Variants in DNM1 observed in about 807,000 individuals in gnomAD.
The protein encoded by DNM1 is dynamin-1.
Under a neutral mutation model 104.6 loss-of-function variants are expected in DNM1, and 29 were observed. That is an observed-to-expected ratio of 0.28 (90% CI 0.21 to 0.38). The LOEUF (loss-of-function observed/expected upper bound fraction) is 0.38, where lower values mean the gene tolerates loss of function less well. DNM1 is among the 10% of genes least tolerant of loss of function. DNM1 has a pLI of 1.00. For synonymous variants in DNM1, 445 were observed against 475.8 expected, an observed-to-expected ratio of 0.94 and a Z score of 0.84; for missense variants, 640 against 1,189.4, an observed-to-expected ratio of 0.54 and a Z score of 6.79.
At chr9:128,219,641 C>T (rs1834824068) in intron 4 of DNM1, among the ~76,000 whole-genome samples, 1 of 150,178 alleles carries the variant, frequency 6.7e-6, no homozygotes, top group African/African-American at 2.5e-5. Context: ...TGCAGTCCAG[C>T]ATGGGCAAGA....
intron 10 of DNM1, among the ~76,000 whole-genome samples, chr9:128,229,230 A>G (rs1274080711): frequency 6.6e-6 from 1 of 151,352 alleles, no homozygotes; most frequent in African/African-American, 2.4e-5. Flanking sequence ...TGTCTCTACA[A>G]AATTTTTTTT....
intron 10 of DNM1, chr9:128,232,171 C>T (rs1315566015): frequency 2.5e-6 from 1 of 404,764 alleles, no homozygotes; most frequent in Non-Finnish European, 5.0e-6. Flanking sequence ...GCGCCCTCCT[C>T]CTCCCTCCTT....
chr9:128,218,178 C>A lies in DNM1; in HGVS notation c.162-53C>A. 2 of 1,563,816 alleles carry A rather than the reference C, an allele frequency of 1.3e-6. No individual in the cohort carries two copies. The highest frequency in any genetic ancestry group is 1.8e-6 in the Non-Finnish European group (2 of 1,134,120). On this transcript the variant is annotated intron_variant, in intron 1 of 21. Transcript: ENST00000372923. This position sits in a 1 kb window ranked among gnomAD's most constrained non-coding sequence, Gnocchi z 4.8. Reference sequence around the variant, plus strand: ...AGGGGCCGGACAGGTACCCCTGGGACAGAGGGCGCCCCCTCATATCTTGAC... The same window carrying A: ...AGGGGCCGGACAGGTACCCCTGGGAAAGAGGGCGCCCCCTCATATCTTGAC...
chr9:128,205,432 C>T (rs945873490), intron 1 of DNM1, among the ~76,000 whole-genome samples: 5 of 152,142 alleles, frequency 3.3e-5, no homozygotes, highest in African/African-American at 1.2e-4. Flanking sequence ...ACCATGATGC[C>T]CATCCTACAG....
chr9:128,233,123 C>A (rs1367225036), intron 10 of DNM1, among the ~76,000 whole-genome samples: 1 of 152,248 alleles, frequency 6.6e-6, no homozygotes, highest in Non-Finnish European at 1.5e-5. Context: ...GGGCACGATT[C>A]GCAGGCAGAG....
intron 21 of DNM1, chr9:128,252,679 A>T: frequency 2.2e-6 from 1 of 458,856 alleles, no homozygotes; most frequent in Non-Finnish European, 4.3e-6. Flanking sequence ...GAAGGCTCTT[A>T]GGTGGAGAAA....
At chr9:128,239,589 T>C in intron 12 of DNM1, 74 bp downstream of exon 12, 2 of 1,186,640 alleles carry the variant, frequency 1.7e-6, no homozygotes, top group Non-Finnish European at 2.5e-6. Flanking sequence ...TGTGTGTGTG[T>C]GTGTGTGTGT....
At chr9:128,250,038 C>A in intron 19 of DNM1, 77 bp from the exon 20 acceptor site, 1 of 1,607,778 alleles carries the variant, frequency 6.2e-7, no homozygotes, top group Non-Finnish European at 8.5e-7. Flanking sequence ...GCTCACAGTC[C>A]CAGCAGGGCC....
At chr9:128,252,334 A>G (rs1428540472) in intron 21 of DNM1, 5 of 366,782 alleles carry the variant, frequency 1.4e-5, no homozygotes, top group African/African-American at 1.1e-4. Context: ...CAGTCTTGCT[A>G]ACACACATGA....
rs61020870 is a variant in DNM1 at position 128,220,742 on chromosome 9, C to CGCGTGTGTGTGTGTGTGTGT, written c.849+402_849+403insCGTGTGTGTGTGTGTGTGTG. On this transcript the variant is annotated intron_variant, in intron 6 of 21. Transcript: ENST00000372923. The surrounding 1 kb of genome is among the most constrained non-coding windows in gnomAD (Gnocchi z 5.2). Reference sequence around the variant, plus strand: ...CAGAACTGAAGTGCGCGCGCGCGCGCGTGTGTGTGTGTGTGTGTGTGTGTG... The same window carrying CGCGTGTGTGTGTGTGTGTGT: ...CAGAACTGAAGTGCGCGCGCGCGCGCGCGTGTGTGTGTGTGTGTGTGTGTGTGTGTGTGTGTGTGTGTGTG... Among the ~76,000 whole-genome samples, 3 of 136,278 alleles carry CGCGTGTGTGTGTGTGTGTGT rather than the reference C, an allele frequency of 2.2e-5. No individual in the cohort carries two copies. Among genetic ancestry groups the CGCGTGTGTGTGTGTGTGTGT allele is most frequent in the African/African-American group, 8.0e-5 (3 of 37,720 alleles). The allele number at this position is 136,278 out of a possible 152,430, so 89.4% of individuals were successfully genotyped here.
At position 128,250,216 on chromosome 9, in the gene DNM1, C is replaced by T; in HGVS notation, c.2178C>T (p.Asp726=). The T allele has an allele frequency of 1.2e-6, 2 of 1,614,144 alleles. No individual in the cohort carries two copies. The highest frequency in any genetic ancestry group is 1.7e-6 in the Non-Finnish European group (2 of 1,180,024). ...CGGCGGAGCAGGCACAGCGGCGCGA[C>T]GAGATGCTGCGCATGTACCACGCAC... is the stretch of plus-strand genomic sequence containing the variant. ...EESAEQAQRR[D]EMLRMYHALK... is the part of the protein sequence containing the mutation. Residue 726 remains aspartate (D), a synonymous_variant, in exon 20 of 22, where the codon GAC becomes GAT. Transcript: ENST00000372923.
chr9:128,253,466 G>A lies in DNM1; in HGVS notation c.2535-1188G>A, dbSNP rs79720213. 265 of 392,480 alleles carry A rather than the reference G, an allele frequency of 6.8e-4. 2 individuals are homozygous for A. The East Asian group carries it at 0.013, about 19-fold the overall frequency. The allele number at this position is 392,480 out of a possible 1,614,324, so 24.3% of individuals were successfully genotyped here. On this transcript the variant is annotated intron_variant, in intron 21 of 21. Coordinates refer to ENST00000372923, the MANE Select transcript of DNM1 (RefSeq NM_004408.4). The surrounding 1 kb of genome is among the most constrained non-coding windows in gnomAD (Gnocchi z 5.9). ...AGAGCTCGTGGTTTATGGTGTAAAG[G>A]CTGGGAGCTTGGAGGGGGTCGTGTG...
chr9:128,230,812 C>CT (rs1391487045), intron 10 of DNM1, among the ~76,000 whole-genome samples: 13 of 147,588 alleles, frequency 8.8e-5, no homozygotes. Context: ...ATTTCTTTTT[C>CT]TTTTTTTTGA....
At chr9:128,219,415 T>C (rs1294988238) in intron 4 of DNM1, among the ~76,000 whole-genome samples, 163 bp downstream of exon 4, 1 of 152,196 alleles carries the variant, frequency 6.6e-6, no homozygotes, top group African/African-American at 2.4e-5. Context: ...ATGCCTGTAA[T>C]CCCAGCACTT....
chr9:128,242,986 C>T (rs528500975), intron 15 of DNM1, among the ~76,000 whole-genome samples: 15 of 152,218 alleles, frequency 9.9e-5, no homozygotes, highest in African/African-American at 2.6e-4. Context: ...CAGGGCGTGC[C>T]GCCTCCTCTG....
intron 1 of DNM1, among the ~76,000 whole-genome samples, chr9:128,205,391 A>G (rs1332436792): frequency 2.0e-5 from 3 of 152,172 alleles, no homozygotes; most frequent in Non-Finnish European, 2.9e-5. Flanking sequence ...TGAGTCCTTC[A>G]TAGGCTCACA....
chr9:128,248,887 C>A lies in DNM1; in HGVS notation c.2076+134C>A. The A allele has an allele frequency of 2.1e-6, 2 of 972,670 alleles. No individual in the cohort carries two copies. The highest frequency in any genetic ancestry group is 2.5e-5 in the East Asian group (1 of 40,106). The allele number at this position is 972,670 out of a possible 1,614,324, so 60.3% of individuals were successfully genotyped here. ...GAGGGAGGCACGGTCCAGACCAGAGCTGTCCAATAGAAATATCATGAGGGG... is the reference window on the plus strand; with the variant it reads ...GAGGGAGGCACGGTCCAGACCAGAGATGTCCAATAGAAATATCATGAGGGG... On this transcript the variant is annotated intron_variant, in intron 19 of 21. Transcript: ENST00000372923. The surrounding 1 kb of genome is among the most constrained non-coding windows in gnomAD (Gnocchi z 5.6).
intron 1 of DNM1, among the ~76,000 whole-genome samples, chr9:128,215,728 C>A (rs543057697): frequency 1.3e-5 from 2 of 152,314 alleles, no homozygotes; most frequent in East Asian, 3.9e-4. Context: ...CAAGGAGAGG[C>A]CTCTCAGGGA....
chr9:128,239,921 C>T (rs1427650863), intron 13 of DNM1, 64 bp from the exon 14 acceptor site: 3 of 1,606,462 alleles, frequency 1.9e-6, no homozygotes, highest in African/African-American at 1.3e-5. Flanking sequence ...CCCACTCTGC[C>T]TCAGTAACCC....
Sources: gnomAD v4.1 joint callset for allele counts (sites outside exome capture counted in the v4.1 genomes callset) on GRCh38, gnomAD v4.1.1 for gene constraint, Gnocchi (gnomAD v3.1) non-coding constraint, MANE v1.5 for transcripts, NCBI Gene and HGNC (gene_info 2026-07-23, HGNC 2026-07-21) for gene names.